ZNF597: variants seen among roughly 807,000 people sequenced by gnomAD.
The protein encoded by ZNF597 is zinc finger protein 597.
A neutral mutation model predicts 7.3 loss-of-function variants in ZNF597; 5 were observed. The ratio of observed to expected loss-of-function variants is 0.68; its 90% CI spans 0.36 to 1.44. ZNF597 has a LOEUF of 1.44. Among genes scored for constraint, ZNF597 ranks in the 40% most tolerant of loss-of-function variants. ZNF597 has a pLI of 0.04. For missense variants in ZNF597, 585 were observed against 517.9 expected (o/e 1.13, Z -1.26); for synonymous variants, 209 against 185.4 (o/e 1.13, Z -1.04).
chr16:3,440,846 C>G lies in ZNF597; in HGVS notation c.121G>C (p.Asp41His). The change falls in exon 3 of 4, where the codon GAT becomes CAT. Residue 41 changes from aspartate (D) to histidine (H), a missense_variant. Transcript: ENST00000301744. ...TCCTCCAAAGACTCTTTTGTACCAT[C>G]TTTGCTGAGGGACCTCTGGGCAGGG... is the stretch of plus-strand genomic sequence containing the variant. The part of the protein sequence containing the change: ...LHPAQRSLSK[D>H]GTKESLEDAA... 6.2e-7 allele frequency: 1 copy of G among 1,614,076 alleles called. No homozygotes were observed. Among genetic ancestry groups the G allele is most frequent in the Non-Finnish European group, 8.5e-7 (1 of 1,179,962 alleles).
Position 3,437,081 on chromosome 16 carries a change from A to G in ZNF597, c.618T>C (p.His206=). 6.2e-7 allele frequency: 1 copy of G among 1,614,188 alleles called. No individual in the cohort carries two copies. Among genetic ancestry groups the G allele is most frequent in the South Asian group, 1.1e-5 (1 of 91,090 alleles). The change falls in exon 4 of 4, where the codon CAT becomes CAC. Residue 206 remains histidine (H), a synonymous_variant. Coordinates refer to ENST00000301744, the MANE Select transcript of ZNF597 (RefSeq NM_152457.3). ...RANLRTHRRI[H]TGEKPYKCAK... The stretch of plus-strand genomic sequence containing the variant: ...CACACTTATAAGGTTTCTCACCAGT[A>G]TGGATTCTCCTGTGTGTCCTCAGGT...
chr16:3,436,882 A>G lies in ZNF597; in HGVS notation c.817T>C (p.Cys273Arg), dbSNP rs201612773. 2 of 1,614,168 alleles carry G rather than the reference A, an allele frequency of 1.2e-6. No homozygotes were observed. The highest frequency in any genetic ancestry group is 1.7e-5 in the Admixed American group (1 of 60,026). ...GGTTTCTCATTAAAATGTTTATCAC[A>G]GTTAGTAGATTCGTAGGTGTTTTCA... ...SAENTYESTN[C>R]DKHFNEKPNL... The change falls in exon 4 of 4, where the codon TGT becomes CGT. Residue 273 changes from cysteine to arginine, a missense_variant. Physicochemically the swap from Cys to Arg is radical, Grantham distance 180. Coordinates refer to ENST00000301744, the MANE Select transcript of ZNF597 (RefSeq NM_152457.3).
At chr16:3,440,647 C>A (rs1343797022) in intron 3 of ZNF597, among the ~76,000 whole-genome samples, 160 bp downstream of exon 3, 1 of 151,272 alleles carries the variant, frequency 6.6e-6, no homozygotes, top group African/African-American at 2.4e-5. Context: ...AAAAAAAAAT[C>A]ATCTCATATT....
chr16:3,443,373 A>G lies in ZNF597; in HGVS notation c.-67T>C, dbSNP rs2034425230. The G allele has an allele frequency of 5.3e-6, 3 of 564,780 alleles. No homozygotes were observed. The highest frequency in any genetic ancestry group is 1.9e-5 in the African/African-American group (1 of 51,442). The allele number at this position is 564,780 out of a possible 1,614,324, so 35.0% of individuals were successfully genotyped here. A position where few individuals can be genotyped will look rare whatever the true frequency, so the allele number is the denominator to read the frequency against. ...GGGCCCACTTACCGCTCCGCGGTTA[A>G]TAACAGGCCTCGCGCTCCCTGACAG... On this transcript the variant is annotated 5_prime_UTR_variant, in exon 1 of 4. Transcript: ENST00000301744.
At position 3,434,238 on chromosome 16, in the gene ZNF597, T is replaced by A. The variant is rs924504337; in HGVS notation, c.*2186A>T. ...CCAATTTCATCCCCCATCCTGTGAC[T>A]CATTAGATCTTTGACTGAACTCTTA... On this transcript the variant is annotated 3_prime_UTR_variant, in exon 4 of 4. Transcript: ENST00000301744. 3 of 152,260 alleles carry A rather than the reference T, an allele frequency of 2.0e-5. No homozygotes were observed. The highest frequency in any genetic ancestry group is 4.4e-5 in the Non-Finnish European group (3 of 68,068). The allele number at this position is 152,260 out of a possible 1,614,324, so 9.4% of individuals were successfully genotyped here. A position where few individuals can be genotyped will look rare whatever the true frequency, so the allele number is the denominator to read the frequency against.
rs763182974 is a variant in ZNF597, at chr16:3,434,036, A to C, written c.*2388T>G. On this transcript the variant is annotated 3_prime_UTR_variant, in exon 4 of 4. Coordinates refer to ENST00000301744, the MANE Select transcript of ZNF597 (RefSeq NM_152457.3). The stretch of plus-strand genomic sequence containing the variant: ...GACTCGTGTGGAAAGGCAAACTTCC[A>C]TATTAAGGTGCAGAACAGGATGTAT... The C allele has an allele frequency of 1.3e-5, 2 of 152,168 alleles. No individual in the cohort carries two copies. Among genetic ancestry groups the C allele is most frequent in the Non-Finnish European group, 2.9e-5 (2 of 68,036 alleles). 9.4% of individuals were successfully genotyped at this position (152,168 alleles called of 1,614,324 possible).
At position 3,440,478 on chromosome 16, in the gene ZNF597, C is replaced by CA. The variant is rs1005128332; in HGVS notation, c.160+328dup. 1.1e-4 allele frequency among the ~76,000 whole-genome samples: 16 copies of CA among 152,128 alleles called. No individual in the cohort carries two copies. In the East Asian group the frequency reaches 2.3e-3, roughly 22 times the overall value. On this transcript the variant is annotated intron_variant, in intron 3 of 3. Transcript: ENST00000301744. ...TGAAACCCTGTCTCTACTAAAAATA[C>CA]AAAAAATTAGCTGGGCATGGTGGCA...
At position 3,436,842 on chromosome 16, in the gene ZNF597, G is replaced by A. The variant is rs747448131; in HGVS notation, c.857C>T (p.Pro286Leu). 1 of 1,614,004 alleles carries A rather than the reference G, an allele frequency of 6.2e-7. No individual in the cohort carries two copies. The highest frequency in any genetic ancestry group is 8.5e-7 in the Non-Finnish European group (1 of 1,180,028). ...GGGGCCTGATACGAATGTTTCCTCA[G>A]GCAAAGCAAGATTTGGTTTCTCATT... The part of the protein sequence containing the change: ...HFNEKPNLAL[P>L]EETFVSGPQY... The change falls in exon 4 of 4, where the codon CCT becomes CTT. Residue 286 changes from proline to leucine, a missense_variant. Pro to Leu is a moderately conservative substitution (Grantham distance 98). Coordinates refer to ENST00000301744, the MANE Select transcript of ZNF597 (RefSeq NM_152457.3).
intron 2 of ZNF597, among the ~76,000 whole-genome samples, chr16:3,441,664 C>T (rs1426298833): frequency 1.3e-5 from 2 of 151,942 alleles, no homozygotes; most frequent in Non-Finnish European, 2.9e-5. Flanking sequence ...CCAGCCTGGG[C>T]AACAAGAGTA....
intron 3 of ZNF597, among the ~76,000 whole-genome samples, chr16:3,438,572 T>A (rs796269325): frequency 3.4e-4 from 51 of 149,542 alleles, no homozygotes; most frequent in Middle Eastern, 3.4e-3. Context: ...CAAAAAAAAA[T>A]AATAATAATA....
rs374686560 is a variant in ZNF597 at position 3,437,286 on chromosome 16, G to C, written c.413C>G (p.Thr138Ser). 2.2e-5 allele frequency: 36 copies of C among 1,614,040 alleles called. No homozygotes were observed. The highest frequency in any genetic ancestry group is 3.1e-5 in the Non-Finnish European group (36 of 1,180,036). The change falls in exon 4 of 4, where the codon ACC (threonine) becomes AGC (serine). Residue 138 changes from threonine to serine, a missense_variant. Coordinates refer to ENST00000301744, the MANE Select transcript of ZNF597 (RefSeq NM_152457.3). The stretch of plus-strand genomic sequence containing the variant: ...ATCAAGAATTTCAGAAAGTGTGTTG[G>C]TTCCTAAATATTCAGAGAGTTCTAC... ...PLVELSEYLG[T>S]NTLSEILDSP... is the part of the protein sequence containing the mutation.
intron 3 of ZNF597, among the ~76,000 whole-genome samples, chr16:3,438,520 G>A (rs1038400432): frequency 1.3e-5 from 2 of 151,722 alleles, no homozygotes; most frequent in African/African-American, 4.8e-5. Flanking sequence ...CCGAGATCGC[G>A]CCACTGCACT....
chr16:3,437,320 T>G lies in ZNF597; in HGVS notation c.379A>C (p.Thr127Pro). ...ISLLVTIENHTPLVELSEYLG... is the reference protein window; with the variant it reads ...ISLLVTIENHPPLVELSEYLG... ...TATTCAGAGAGTTCTACTAATGGGGTGTGGTTTTCAATGGTAACTAAAAGG... is the reference window on the plus strand; with the variant it reads ...TATTCAGAGAGTTCTACTAATGGGGGGTGGTTTTCAATGGTAACTAAAAGG... The change falls in exon 4 of 4, where the codon ACC becomes CCC. Residue 127 changes from threonine to proline, a missense_variant. Transcript: ENST00000301744. 6.2e-7 allele frequency: 1 copy of G among 1,614,008 alleles called. No individual in the cohort carries two copies.
Position 3,443,452 on chromosome 16 carries a change from T to C in ZNF597, c.-146A>G. The C allele has an allele frequency of 9.7e-6, 5 of 517,686 alleles. No homozygotes were observed. The highest frequency in any genetic ancestry group is 1.7e-5 in the Non-Finnish European group (5 of 296,816). The allele number at this position is 517,686 out of a possible 1,614,324, so 32.1% of individuals were successfully genotyped here. A position where few individuals can be genotyped will look rare whatever the true frequency, so the allele number is the denominator to read the frequency against. ...ACGCGACGAAGAACGCCACGGCCACTGCAAAACTCCCACGCTCTCATGCTC... is the reference window on the plus strand; with the variant it reads ...ACGCGACGAAGAACGCCACGGCCACCGCAAAACTCCCACGCTCTCATGCTC... On this transcript the variant is annotated 5_prime_UTR_variant, in exon 1 of 4. Transcript: ENST00000301744.
At chr16:3,440,496 T>C (rs1024215633) in intron 3 of ZNF597, among the ~76,000 whole-genome samples, 6 of 152,082 alleles carry the variant, frequency 3.9e-5, no homozygotes, top group African/African-American at 1.4e-4. Flanking sequence ...TAGCTGGGCA[T>C]GGTGGCAGGC....
At position 3,441,937 on chromosome 16, in the gene ZNF597, G is replaced by A. The variant is rs1417462755; in HGVS notation, c.34-1004C>T. Reference sequence around the variant, plus strand: ...AGAGATTGCAGTGAGCCGAGATCGCGCCATTGCACTCCAGCCTAGGCGTCG... The same window carrying A: ...AGAGATTGCAGTGAGCCGAGATCGCACCATTGCACTCCAGCCTAGGCGTCG... On this transcript the variant is annotated intron_variant, in intron 2 of 3. Coordinates refer to ENST00000301744, the MANE Select transcript of ZNF597 (RefSeq NM_152457.3). 2.0e-4 allele frequency among the ~76,000 whole-genome samples: 29 copies of A among 146,216 alleles called. 1 individual carries two copies. The highest frequency in any genetic ancestry group is 6.5e-4 in the South Asian group (3 of 4,632).
At position 3,436,999 on chromosome 16, in the gene ZNF597, G is replaced by A. The variant is rs773416204; in HGVS notation, c.700C>T (p.His234Tyr). 1.9e-5 allele frequency: 31 copies of A among 1,614,038 alleles called. No individual in the cohort carries two copies. ...HSHLSRHMNS[H>Y]VKEKPYTCSI... ...CATGTATAGGGCTTCTCCTTTACGT[G>A]GCTATTCATGTGTCGGGATAGATGA... The change falls in exon 4 of 4, where the codon CAC (histidine) becomes TAC (tyrosine). Residue 234 changes from histidine to tyrosine, a missense_variant. Transcript: ENST00000301744.
rs766965586 is a variant in ZNF597 at position 3,437,009 on chromosome 16, G to C, written c.690C>G (p.His230Gln). Residue 230 changes from histidine to glutamine, a missense_variant, in exon 4 of 4, where the codon CAC becomes CAG. Coordinates refer to ENST00000301744, the MANE Select transcript of ZNF597 (RefSeq NM_152457.3). ...GCTTCTCCTTTACGTGGCTATTCATGTGTCGGGATAGATGAGAGTGCTGGC... is the reference window on the plus strand; with the variant it reads ...GCTTCTCCTTTACGTGGCTATTCATCTGTCGGGATAGATGAGAGTGCTGGC... Reference protein sequence around the residue: ...SFRQHSHLSRHMNSHVKEKPY... With the variant: ...SFRQHSHLSRQMNSHVKEKPY... 6.2e-7 allele frequency: 1 copy of C among 1,614,196 alleles called. No individual in the cohort carries two copies. The highest frequency in any genetic ancestry group is 2.2e-5 in the East Asian group (1 of 44,882).
chr16:3,438,584 T>C (rs1014382225), intron 3 of ZNF597, among the ~76,000 whole-genome samples: 2 of 151,286 alleles, frequency 1.3e-5, no homozygotes, highest in African/African-American at 4.9e-5. Flanking sequence ...ATAATAATAA[T>C]TAAAAAAGAA....
Sources: gnomAD v4.1 joint callset for allele counts (sites outside exome capture counted in the v4.1 genomes callset) on GRCh38, gnomAD v4.1.1 for gene constraint, MANE v1.5 for transcripts, NCBI Gene and HGNC (gene_info 2026-07-23, HGNC 2026-07-21) for gene names.